PACC1: variants seen among roughly 807,000 people sequenced by gnomAD.
PACC1 encodes the protein proton-activated chloride channel.
A neutral mutation model predicts 39.7 loss-of-function variants in PACC1; 34 were observed. The observed-to-expected ratio is 0.86, with a 90% confidence interval of 0.65 to 1.14. PACC1 has a LOEUF of 1.14. Ranked by LOEUF, PACC1 falls within the 50% of genes most tolerant of loss-of-function variation. PACC1 has a pLI of 0.00. For synonymous variants in PACC1, 127 were observed against 160.6 expected (o/e 0.79, Z 1.58); for missense variants, 379 against 436.4 (o/e 0.87, Z 1.17).
intron 4 of PACC1, among the ~76,000 whole-genome samples, chr1:212,384,087 G>A (rs1026572961): frequency 2.0e-5 from 3 of 152,108 alleles, no homozygotes; most frequent in Non-Finnish European, 2.9e-5. Flanking sequence ...ATCTGTTTTG[G>A]GTTAGGGATT....
chr1:212,414,012 C>T, intron 1 of PACC1: 1 of 1,535,790 alleles, frequency 6.5e-7, no homozygotes, highest in Non-Finnish European at 8.7e-7. Context: ...AGGAGGAGAG[C>T]AGTTTCACTA....
chr1:212,381,701 ACACAC>A (rs1660895341), intron 4 of PACC1, among the ~76,000 whole-genome samples: 1 of 137,326 alleles, frequency 7.3e-6, no homozygotes, highest in Non-Finnish European at 1.5e-5. Flanking sequence ...CACTGCACAC[ACACAC>A]ACACACACAC....
chr1:212,394,826 C>T (rs1661453107), intron 2 of PACC1, among the ~76,000 whole-genome samples: 1 of 152,158 alleles, frequency 6.6e-6, no homozygotes, highest in Non-Finnish European at 1.5e-5. Context: ...TGAGTGAACT[C>T]CCATTCACAA....
At position 212,386,864 on chromosome 1, in the gene PACC1, G is replaced by A; in HGVS notation, c.343+27C>T. The A allele has an allele frequency of 6.2e-7, 1 of 1,611,460 alleles. No individual in the cohort carries two copies. The highest frequency in any genetic ancestry group is 1.3e-5 in the African/African-American group (1 of 74,984). ...GCTGACACCCTAGATCTGGGGCCCT[G>A]ATGCCTGGCCCAGGGGCAGGCTCTA... On this transcript the variant is annotated intron_variant, in intron 3 of 7. Coordinates refer to ENST00000261455, the MANE Select transcript of PACC1 (RefSeq NM_018252.3). This position sits in a 1 kb window ranked among gnomAD's most constrained non-coding sequence, Gnocchi z 5.0.
intron 2 of PACC1, among the ~76,000 whole-genome samples, chr1:212,389,428 T>C (rs1661223254): frequency 6.6e-6 from 1 of 152,158 alleles, no homozygotes; most frequent in South Asian, 2.1e-4. Context: ...AATCTTGCCA[T>C]ATTAACAATA....
At chr1:212,407,725 C>T (rs1661970585) in intron 2 of PACC1, among the ~76,000 whole-genome samples, 2 of 152,190 alleles carry the variant, frequency 1.3e-5, no homozygotes, top group Non-Finnish European at 2.9e-5. Flanking sequence ...AAGAGATCCT[C>T]CCATCTTGGC....
At chr1:212,375,343 C>T (rs1171979297) in intron 6 of PACC1, 43 bp from the exon 7 acceptor site, 2 of 1,405,684 alleles carry the variant, frequency 1.4e-6, no homozygotes, top group South Asian at 1.2e-5. Flanking sequence ...CCTCTGTGTG[C>T]CCTTCCCTTG....
At chr1:212,399,982 T>C (rs1016167125) in intron 2 of PACC1, among the ~76,000 whole-genome samples, 1 of 152,106 alleles carries the variant, frequency 6.6e-6, no homozygotes, top group Non-Finnish European at 1.5e-5. Flanking sequence ...GTAGCTGGAA[T>C]TACAGGTGTG....
intron 6 of PACC1, 152 bp downstream of exon 6, chr1:212,377,410 A>C: frequency 3.0e-6 from 3 of 1,011,958 alleles, no homozygotes; most frequent in Non-Finnish European, 4.4e-6. Flanking sequence ...TAGCATATGA[A>C]GCCCTCCATG....
intron 7 of PACC1, among the ~76,000 whole-genome samples, chr1:212,371,669 C>T (rs1462406501): frequency 2.0e-5 from 3 of 152,080 alleles, no homozygotes; most frequent in Non-Finnish European, 2.9e-5. Flanking sequence ...TTCCCAAACT[C>T]GGTTCTGCAA....
At chr1:212,412,892 C>T (rs1213677090) in intron 1 of PACC1, among the ~76,000 whole-genome samples, 2 of 152,176 alleles carry the variant, frequency 1.3e-5, no homozygotes, top group Non-Finnish European at 2.9e-5. Context: ...CTTATCTAAT[C>T]CCCAAACAAC....
Position 212,387,117 on chromosome 1 carries a change from A to G in PACC1, c.134-17T>C, listed in dbSNP as rs1661131574. On this transcript the variant is annotated splice_polypyrimidine_tract_variant and intron_variant, in intron 2 of 7. Coordinates refer to ENST00000261455, the MANE Select transcript of PACC1 (RefSeq NM_018252.3). ...TGTCCAGGCCTGACAACAACAAAAC[A>G]CCATGTGACCCAGGGCACAGGGACA... 6.2e-7 allele frequency: 1 copy of G among 1,612,326 alleles called. No homozygotes were observed. Among genetic ancestry groups the G allele is most frequent in the Non-Finnish European group, 8.5e-7 (1 of 1,179,728 alleles).
chr1:212,382,418 G>A (rs1347756161), intron 4 of PACC1, among the ~76,000 whole-genome samples: 1 of 152,180 alleles, frequency 6.6e-6, no homozygotes, highest in Non-Finnish European at 1.5e-5. Context: ...ATGGCGGGCA[G>A]TAAGGAAATA....
At chr1:212,391,376 G>C (rs1216729565) in intron 2 of PACC1, among the ~76,000 whole-genome samples, 2 of 152,164 alleles carry the variant, frequency 1.3e-5, no homozygotes, top group African/African-American at 4.8e-5. Context: ...CTGCAGCTGA[G>C]AGTCCTGACT....
intron 2 of PACC1, among the ~76,000 whole-genome samples, chr1:212,392,509 A>G (rs1484666262): frequency 6.6e-6 from 1 of 152,330 alleles, no homozygotes; most frequent in East Asian, 1.9e-4. Flanking sequence ...AAAGACCATC[A>G]ATGCTAGGAA....
Position 212,377,642 on chromosome 1 carries a change from C to A in PACC1, c.703G>T (p.Gly235Cys), listed in dbSNP as rs1434594453. The A allele has an allele frequency of 1.9e-6, 3 of 1,614,172 alleles. No individual in the cohort carries two copies. The highest frequency in any genetic ancestry group is 2.5e-6 in the Non-Finnish European group (3 of 1,180,018). Residue 235 changes from glycine (G) to cysteine (C), a missense_variant, in exon 6 of 8, where the codon GGC becomes TGC. Physicochemically the swap from Gly to Cys is radical, Grantham distance 159 (BLOSUM62 -3). Coordinates refer to ENST00000261455, the MANE Select transcript of PACC1 (RefSeq NM_018252.3). The part of the protein sequence containing the change: ...SAYSSWKFSG[G>C]FRTWVKMSLV... The stretch of plus-strand genomic sequence containing the variant: ...GACATCTTGACCCAGGTGCGGAAGC[C>A]CCCAGAGAACTTCCAGCTGGAATAG...
At chr1:212,381,827 G>C (rs966455088) in intron 4 of PACC1, among the ~76,000 whole-genome samples, 3 of 142,444 alleles carry the variant, frequency 2.1e-5, no homozygotes, top group African/African-American at 8.0e-5. Context: ...ATGCCCAGGG[G>C]ACAGCACAGT....
chr1:212,401,351 C>A (rs115271414), intron 2 of PACC1, among the ~76,000 whole-genome samples: 1,648 of 152,102 alleles, frequency 0.011, 37 homozygotes, highest in African/African-American at 0.037. Flanking sequence ...TACAGCTAGG[C>A]GCGGTGGCTC....
intron 7 of PACC1, among the ~76,000 whole-genome samples, chr1:212,365,633 C>T (rs963293153): frequency 5.3e-5 from 8 of 151,824 alleles, no homozygotes; most frequent in Non-Finnish European, 1.0e-4. Flanking sequence ...TATCAAGAGC[C>T]CTTCCCAAAT....
Sources: gnomAD v4.1 joint callset for allele counts (sites outside exome capture counted in the v4.1 genomes callset) on GRCh38, gnomAD v4.1.1 for gene constraint, Gnocchi (gnomAD v3.1) non-coding constraint, MANE v1.5 for transcripts, NCBI Gene and HGNC (gene_info 2026-07-23, HGNC 2026-07-21) for gene names.